Variants in METTL25 observed in about 807,000 individuals in gnomAD.
METTL25 encodes methyltransferase like 25, also known as probable methyltransferase-like protein 25.
In METTL25, 64 loss-of-function variants were observed where a neutral mutation model predicts 71.6. The ratio of observed to expected loss-of-function variants is 0.89; its 90% confidence interval spans 0.73 to 1.10. The LOEUF (loss-of-function observed/expected upper bound fraction) is 1.10. METTL25 is among the 50% of genes least tolerant of loss of function. METTL25 has a pLI of 0.00. For synonymous variants in METTL25, 287 were observed against 250.3 expected (o/e 1.15, Z -1.38); for missense variants, 807 against 707.0 (o/e 1.14, Z -1.60).
chr12:82,410,740 T>C (rs1203328759), intron 5 of METTL25, among the ~76,000 whole-genome samples: 2 of 151,894 alleles, frequency 1.3e-5, no homozygotes, highest in Non-Finnish European at 2.9e-5. Context: ...AGCCATAAAG[T>C]GATAGATAGT....
At position 82,399,408 on chromosome 12, in the gene METTL25, T is replaced by A; in HGVS notation, c.1131+14T>A. On this transcript the variant is annotated intron_variant, in intron 4 of 11. Coordinates refer to ENST00000248306, the MANE Select transcript of METTL25 (RefSeq NM_032230.3). The stretch of plus-strand genomic sequence containing the variant: ...AAAGATTTGGAGGTGACTTTACCTT[T>A]GAATTATTTAATTTGATTTACAAAA... 4 of 1,533,876 alleles carry A rather than the reference T, an allele frequency of 2.6e-6. No homozygotes were observed. Among genetic ancestry groups the A allele is most frequent in the Non-Finnish European group, 3.5e-6 (4 of 1,142,892 alleles).
chr12:82,468,728 A>G (rs918929456), intron 9 of METTL25: 8 of 152,318 alleles, frequency 5.3e-5, no homozygotes, highest in African/African-American at 1.4e-4. Context: ...TGCCTTCTTA[A>G]CTATAGAAAA....
At position 82,386,824 on chromosome 12, in the gene METTL25, T is replaced by C; in HGVS notation, c.281T>C (p.Ile94Thr). 6.2e-7 allele frequency: 1 copy of C among 1,613,142 alleles called. No individual in the cohort carries two copies. Residue 94 changes from isoleucine (I) to threonine (T), a missense_variant, in exon 2 of 12, where the codon ATA (isoleucine) becomes ACA (threonine). Transcript: ENST00000248306. ...TTAGGTATGACTGATTTTCCCAAAA[T>C]ATTTTGTGAAACTTCTCAGAAGTTG... ...WEAGMTDFPK[I>T]FCETSQKLVS...
At chr12:82,380,022 A>G (rs778398061) in intron 1 of METTL25, among the ~76,000 whole-genome samples, 60 of 152,210 alleles carry the variant, frequency 3.9e-4, no homozygotes, top group Non-Finnish European at 1.2e-4. Context: ...TAAAAATTCT[A>G]TATTCCAATA....
At chr12:82,428,443 A>G (rs1290506557) in intron 5 of METTL25, among the ~76,000 whole-genome samples, 1 of 151,846 alleles carries the variant, frequency 6.6e-6, no homozygotes, top group Non-Finnish European at 1.5e-5. Context: ...TTTATTTGTC[A>G]GGAAAAAAAT....
At chr12:82,454,660 G>A (rs1891362917) in intron 8 of METTL25, among the ~76,000 whole-genome samples, 1 of 151,740 alleles carries the variant, frequency 6.6e-6, no homozygotes, top group African/African-American at 2.4e-5. Flanking sequence ...ACTAAAACAA[G>A]GCCAAATTAA....
chr12:82,418,119 T>A (rs1592688585), intron 5 of METTL25, among the ~76,000 whole-genome samples: 1 of 152,162 alleles, frequency 6.6e-6, no homozygotes, highest in East Asian at 1.9e-4. Flanking sequence ...AAATTCTGAA[T>A]ATATTTTATA....
intron 1 of METTL25, among the ~76,000 whole-genome samples, chr12:82,375,850 CCCTTA>C (rs1402984980): frequency 1.3e-5 from 2 of 152,160 alleles, no homozygotes; most frequent in Non-Finnish European, 2.9e-5. Flanking sequence ...TGCCTGGTTA[CCCTTA>C]TATCCCAATT....
intron 9 of METTL25, among the ~76,000 whole-genome samples, chr12:82,472,754 T>C (rs1387510645): frequency 6.6e-6 from 1 of 152,206 alleles, no homozygotes. Flanking sequence ...GACTTATCTA[T>C]TTGTACTGAG....
At chr12:82,476,423 G>T in intron 9 of METTL25, 1 of 431,404 alleles carries the variant, frequency 2.3e-6, no homozygotes, top group Non-Finnish European at 4.1e-6. Context: ...GATGTTGCTG[G>T]TGGTTTTATT....
At chr12:82,395,662 C>T (rs1163059787) in intron 3 of METTL25, among the ~76,000 whole-genome samples, 1 of 151,996 alleles carries the variant, frequency 6.6e-6, no homozygotes, top group African/African-American at 2.4e-5. Flanking sequence ...TTAACCACTG[C>T]TTGTAACAAT....
intron 5 of METTL25, among the ~76,000 whole-genome samples, chr12:82,414,773 C>T (rs1030414296): frequency 7.9e-5 from 12 of 151,828 alleles, no homozygotes; most frequent in Non-Finnish European, 1.6e-4. Context: ...ATATATAAAT[C>T]GAGATTTTGA....
chr12:82,456,044 A>AAC (rs1200119514), intron 8 of METTL25, among the ~76,000 whole-genome samples: 1 of 151,924 alleles, frequency 6.6e-6, no homozygotes, highest in African/African-American at 2.4e-5. Flanking sequence ...ATGTCTAATT[A>AAC]ATCAGAGGTG....
intron 9 of METTL25, chr12:82,474,648 G>A (rs1035641623): frequency 2.6e-5 from 4 of 152,066 alleles, no homozygotes; most frequent in African/African-American, 9.7e-5. Context: ...TTTGCATATG[G>A]TTTCACTGTT....
At chr12:82,438,359 AT>A (rs1890072145) in intron 7 of METTL25, among the ~76,000 whole-genome samples, 1 of 151,604 alleles carries the variant, frequency 6.6e-6, no homozygotes, top group African/African-American at 2.4e-5. Flanking sequence ...TTTCACACAT[AT>A]CCTTCCTGAC....
intron 1 of METTL25, among the ~76,000 whole-genome samples, chr12:82,375,963 A>T (rs764101770): frequency 6.6e-6 from 1 of 152,202 alleles, no homozygotes; most frequent in African/African-American, 2.4e-5. Flanking sequence ...GTACATCTCA[A>T]TAAGGAGGAT....
intron 9 of METTL25, among the ~76,000 whole-genome samples, chr12:82,469,184 CTT>C (rs1428389969): frequency 1.3e-5 from 2 of 152,112 alleles, no homozygotes; most frequent in African/African-American, 4.8e-5. Flanking sequence ...GTGTTTCTCA[CTT>C]TTTTGGATGT....
intron 1 of METTL25, chr12:82,374,380 A>G (rs992808937): frequency 6.6e-6 from 1 of 152,250 alleles, no homozygotes. Flanking sequence ...TCCATTTTAC[A>G]GAGCACTGAT....
At chr12:82,441,613 C>T (rs551602417) in intron 8 of METTL25, among the ~76,000 whole-genome samples, 141 of 151,602 alleles carry the variant, frequency 9.3e-4, no homozygotes, top group African/African-American at 3.2e-3. Flanking sequence ...CAACACAGTA[C>T]GAGTCCCCCG....
Sources: allele counts gnomAD v4.1 joint callset (sites outside exome capture counted in the v4.1 genomes callset), GRCh38; gene constraint gnomAD v4.1.1; transcripts MANE v1.5; gene names NCBI Gene and HGNC (gene_info 2026-07-23, HGNC 2026-07-21).